The following SOS2 variants were observed in gnomAD, a reference collection of about 807,000 sequenced individuals.
The protein encoded by SOS2 is son of sevenless homolog 2.
A neutral mutation model predicts 148.2 loss-of-function variants in SOS2; 65 were observed. The ratio of observed to expected loss-of-function variants is 0.44; its 90% CI spans 0.36 to 0.54. SOS2 has a LOEUF of 0.54. SOS2 is among the 20% of genes least tolerant of loss of function. SOS2 has a pLI of 0.00. For missense variants in SOS2, 1,341 were observed against 1,590.2 expected, an observed-to-expected ratio of 0.84 and a Z score of 2.67; for synonymous variants, 539 against 537.1, an observed-to-expected ratio of 1.00 and a Z score of -0.05.
At chr14:50,139,005 T>C (rs1163169504) in intron 17 of SOS2, among the ~76,000 whole-genome samples, 2 of 152,098 alleles carry the variant, frequency 1.3e-5, no homozygotes, top group South Asian at 2.1e-4. Flanking sequence ...TAAAAGCTAC[T>C]GGCTTGTACA....
chr14:50,202,173 G>A (rs1213333408), intron 2 of SOS2, among the ~76,000 whole-genome samples: 2 of 152,086 alleles, frequency 1.3e-5, no homozygotes, highest in Admixed American at 6.6e-5. Flanking sequence ...ATGTTGCCCA[G>A]GCTAGTCTCA....
intron 13 of SOS2, 53 bp downstream of exon 13, chr14:50,153,017 G>T: frequency 2.5e-6 from 2 of 812,078 alleles, no homozygotes; most frequent in South Asian, 1.8e-5. Context: ...ACACAAATTT[G>T]AACATAAACT....
intron 3 of SOS2, 48 bp from the exon 4 acceptor site, chr14:50,199,903 T>TGCTAC: frequency 8.5e-7 from 1 of 1,182,808 alleles, no homozygotes; most frequent in Non-Finnish European, 1.2e-6. Context: ...CACTGTCAAG[T>TGCTAC]ATTACACACT....
intron 1 of SOS2, among the ~76,000 whole-genome samples, chr14:50,222,098 T>C (rs143606677): frequency 5.5e-4 from 84 of 152,278 alleles, no homozygotes; most frequent in Non-Finnish European, 1.1e-3. Flanking sequence ...TTTTAAAAAA[T>C]GATGGTGGAT....
chr14:50,160,921 G>A (rs923328199), intron 9 of SOS2, among the ~76,000 whole-genome samples: 4 of 152,144 alleles, frequency 2.6e-5, no homozygotes, highest in African/African-American at 9.7e-5. Context: ...TGAGGCAGGA[G>A]GACTGCTTGA....
chr14:50,159,769 G>A lies in SOS2; in HGVS notation c.1514C>T (p.Thr505Ile). The change falls in exon 10 of 23, where the codon ACT (threonine) becomes ATT (isoleucine). Residue 505 changes from threonine (T) to isoleucine (I), a missense_variant. By Grantham distance (89) the Thr-to-Ile change is moderately conservative. Around this residue, in one of 4 missense-constraint regions of SOS2, gnomAD observed 574 missense variants for 711.1 expected, o/e 0.81. Transcript: ENST00000216373. ...TTCAAATGCATGCTTGTGCTCACAA[G>A]TATCTTCTTTATCACAAATTTGTAT... is the stretch of plus-strand genomic sequence containing the variant. ...RKIQICDKED[T>I]CEHKHAFELV... 2 of 1,613,754 alleles carry A rather than the reference G, an allele frequency of 1.2e-6. No homozygotes were observed. The highest frequency in any genetic ancestry group is 8.5e-7 in the Non-Finnish European group (1 of 1,179,774).
At chr14:50,126,285 A>G (rs1202961892) in intron 21 of SOS2, among the ~76,000 whole-genome samples, 1 of 152,182 alleles carries the variant, frequency 6.6e-6, no homozygotes. Context: ...TTGTGGTGAG[A>G]ACATTTAAAA....
chr14:50,198,916 T>C (rs1256141494), intron 4 of SOS2, among the ~76,000 whole-genome samples: 1 of 152,222 alleles, frequency 6.6e-6, no homozygotes, highest in Non-Finnish European at 1.5e-5. Context: ...CCCAACACTT[T>C]GGGAGGCTGA....
chr14:50,181,475 G>C (rs578240345), intron 6 of SOS2, among the ~76,000 whole-genome samples: 2 of 151,374 alleles, frequency 1.3e-5, no homozygotes, highest in South Asian at 4.2e-4. Flanking sequence ...GAATATCAAG[G>C]CATAGTGCAA....
intron 1 of SOS2, among the ~76,000 whole-genome samples, chr14:50,221,007 T>C (rs546089846): frequency 6.6e-6 from 1 of 152,306 alleles, no homozygotes; most frequent in South Asian, 2.1e-4. Flanking sequence ...AGACTCATAT[T>C]CTATCACAGC....
chr14:50,226,898 A>T (rs536990917), intron 1 of SOS2, among the ~76,000 whole-genome samples: 1 of 152,336 alleles, frequency 6.6e-6, no homozygotes, highest in African/African-American at 2.4e-5. Context: ...AGGGATTTCA[A>T]CGACACAGGT....
At chr14:50,179,289 G>C (rs1161667692) in intron 7 of SOS2, among the ~76,000 whole-genome samples, 1 of 152,154 alleles carries the variant, frequency 6.6e-6, no homozygotes, top group African/African-American at 2.4e-5. Flanking sequence ...TTCTACTAGA[G>C]TGAAGAAAGG....
chr14:50,144,810 C>T (rs1193987757), intron 16 of SOS2, among the ~76,000 whole-genome samples: 2 of 152,098 alleles, frequency 1.3e-5, no homozygotes, highest in South Asian at 2.1e-4. Flanking sequence ...TAAGACATTA[C>T]TTGTATTTTT....
intron 8 of SOS2, among the ~76,000 whole-genome samples, chr14:50,168,144 G>C (rs1885226719): frequency 6.6e-6 from 1 of 152,154 alleles, no homozygotes; most frequent in African/African-American, 2.4e-5. Context: ...GGAGTTAGGA[G>C]AGTAAGAGAA....
At chr14:50,153,913 T>C (rs1884739742) in intron 12 of SOS2, among the ~76,000 whole-genome samples, 1 of 152,006 alleles carries the variant, frequency 6.6e-6, no homozygotes, top group Non-Finnish European at 1.5e-5. Flanking sequence ...GCACCCAGCC[T>C]ATCATCAAAT....
intron 16 of SOS2, among the ~76,000 whole-genome samples, chr14:50,144,572 G>A (rs908227387): frequency 6.6e-6 from 1 of 151,992 alleles, no homozygotes; most frequent in Non-Finnish European, 1.5e-5. Context: ...GAAGTAGCTG[G>A]GATAACAGGC....
At chr14:50,146,873 GATAC>G (rs764229078) in intron 14 of SOS2, among the ~76,000 whole-genome samples, 12 of 151,990 alleles carry the variant, frequency 7.9e-5, no homozygotes, top group Admixed American at 7.9e-4. Context: ...GTTGCAGAAT[GATAC>G]ATAAGTATAT....
chr14:50,137,954 T>A (rs919166746), intron 18 of SOS2, among the ~76,000 whole-genome samples: 30 of 151,056 alleles, frequency 2.0e-4, no homozygotes, highest in Admixed American at 4.0e-4. Flanking sequence ...ATTCTCCTGC[T>A]TCAGTCTCCC....
chr14:50,197,606 T>C lies in SOS2; in HGVS notation c.510+2085A>G, dbSNP rs1886352070. ...AGGGAGGAGAGTTGATTCTAACATC[T>C]CTCTCCCCAACCACAGGATTACACT... On this transcript the variant is annotated intron_variant, in intron 4 of 22. Coordinates refer to ENST00000216373, the MANE Select transcript of SOS2 (RefSeq NM_006939.4). Among the ~76,000 whole-genome samples, 4 of 151,262 alleles carry C rather than the reference T, an allele frequency of 2.6e-5. No individual in the cohort carries two copies. The South Asian group carries it at 8.4e-4, about 32-fold the overall frequency.
Sources: gnomAD v4.1 joint callset for allele counts (sites outside exome capture counted in the v4.1 genomes callset) on GRCh38, gnomAD v4.1.1 for gene constraint, gnomAD v4.1.1 regional missense constraint, MANE v1.5 for transcripts, NCBI Gene and HGNC (gene_info 2026-07-23, HGNC 2026-07-21) for gene names.